The following HMBOX1 variants were observed in gnomAD, a reference collection of about 807,000 sequenced individuals.
HMBOX1 encodes homeobox-containing protein 1.
HMBOX1 carries 14 observed loss-of-function variants against 54.5 expected under a neutral mutation model. The observed-to-expected ratio is 0.26, with a 90% confidence interval of 0.17 to 0.40. The LOEUF (loss-of-function observed/expected upper bound fraction) is 0.40. Among genes scored for constraint, HMBOX1 ranks in the 10% least tolerant of loss-of-function variants. HMBOX1 has a pLI of 1.00. For synonymous variants in HMBOX1, 160 were observed against 181.0 expected (o/e 0.88, Z 0.93); for missense variants, 332 against 514.4 (o/e 0.65, Z 3.43).
At chr8:28,975,885 C>G (rs899170762) in intron 3 of HMBOX1, among the ~76,000 whole-genome samples, 2 of 151,952 alleles carry the variant, frequency 1.3e-5, no homozygotes, top group African/African-American at 2.4e-5. Flanking sequence ...TTCACACTAC[C>G]AAAGTGGTGA....
intron 4 of HMBOX1, among the ~76,000 whole-genome samples, chr8:29,005,668 G>A (rs1054715536): frequency 3.3e-5 from 5 of 152,084 alleles, no homozygotes; most frequent in Non-Finnish European, 7.4e-5. Flanking sequence ...CCTCCAGATC[G>A]AGATAAAGAG....
At chr8:28,937,150 A>G (rs867431015) in intron 1 of HMBOX1, among the ~76,000 whole-genome samples, 3 of 152,226 alleles carry the variant, frequency 2.0e-5, no homozygotes, top group South Asian at 2.1e-4. Flanking sequence ...AAAGAGACTT[A>G]TAAACTGGTT....
intron 6 of HMBOX1, among the ~76,000 whole-genome samples, chr8:29,029,363 A>G (rs1376225581): frequency 6.6e-6 from 1 of 152,204 alleles, no homozygotes; most frequent in Non-Finnish European, 1.5e-5. Context: ...ATCCTTTCTA[A>G]TATTGCTCTT....
chr8:28,972,140 TATAA>T (rs1402200854), intron 3 of HMBOX1, among the ~76,000 whole-genome samples: 1 of 152,232 alleles, frequency 6.6e-6, no homozygotes, highest in Non-Finnish European at 1.5e-5. Context: ...CCAGATACAG[TATAA>T]ATAAAGTATA....
chr8:28,946,548 G>A (rs1164517156), intron 1 of HMBOX1, among the ~76,000 whole-genome samples: 1 of 151,434 alleles, frequency 6.6e-6, no homozygotes, highest in Non-Finnish European at 1.5e-5. Context: ...CCAGCCTGGG[G>A]GACAGAGTGA....
intron 1 of HMBOX1, among the ~76,000 whole-genome samples, chr8:28,900,341 AG>A (rs1263272528): frequency 1.3e-5 from 2 of 149,328 alleles, no homozygotes; most frequent in Non-Finnish European, 3.0e-5. Flanking sequence ...AGATGGGCCC[AG>A]GAATATATAT....
intron 1 of HMBOX1, among the ~76,000 whole-genome samples, chr8:28,911,745 C>A (rs1815489160): frequency 6.6e-6 from 1 of 152,082 alleles, no homozygotes; most frequent in Non-Finnish European, 1.5e-5. Context: ...GGTTGTGACA[C>A]CAGCACTACA....
intron 6 of HMBOX1, chr8:29,042,839 CAG>C (rs1805044251): frequency 5.6e-6 from 2 of 357,038 alleles, no homozygotes; most frequent in Non-Finnish European, 1.1e-5. Context: ...GAAAGATAAA[CAG>C]AGATTGTTTT....
chr8:28,966,263 T>A (rs1024623948), intron 2 of HMBOX1, among the ~76,000 whole-genome samples: 2 of 152,200 alleles, frequency 1.3e-5, no homozygotes, highest in African/African-American at 2.4e-5. Flanking sequence ...TATGGTCTTA[T>A]GGTATGATAT....
chr8:29,000,377 A>G (rs1425713535), intron 4 of HMBOX1, among the ~76,000 whole-genome samples: 1 of 152,192 alleles, frequency 6.6e-6, no homozygotes, highest in Non-Finnish European at 1.5e-5. Context: ...AGCCCTATAC[A>G]TGTGCACAGC....
intron 1 of HMBOX1, among the ~76,000 whole-genome samples, chr8:28,897,426 C>T (rs879856396): frequency 5.9e-5 from 9 of 152,134 alleles, no homozygotes; most frequent in Non-Finnish European, 8.8e-5. Context: ...CCGGTAATCC[C>T]GGCACTTTGG....
intron 3 of HMBOX1, among the ~76,000 whole-genome samples, chr8:28,972,454 C>T (rs1001232240): frequency 5.3e-5 from 8 of 152,002 alleles, no homozygotes; most frequent in African/African-American, 1.5e-4. Flanking sequence ...AGTAGGTGAC[C>T]AAAGTTCAGG....
chr8:28,933,029 C>G (rs1819728510), intron 1 of HMBOX1, among the ~76,000 whole-genome samples: 1 of 152,106 alleles, frequency 6.6e-6, no homozygotes, highest in African/African-American at 2.4e-5. Flanking sequence ...TCATTTTTGT[C>G]ACATTCTGTT....
intron 4 of HMBOX1, among the ~76,000 whole-genome samples, chr8:28,985,226 G>A (rs1829987175): frequency 6.6e-6 from 1 of 152,194 alleles, no homozygotes; most frequent in South Asian, 2.1e-4. Context: ...GCCAGATTCA[G>A]TGTCTGGTGA....
Position 28,903,443 on chromosome 8 carries a change from C to T in HMBOX1, c.-58+12765C>T, listed in dbSNP as rs199697555. ...GAAGGCAAGAGGTAATAAGCTTTCT[C>T]CTCGTGCCACTATTCCAACCATCTG... On this transcript the variant is annotated intron_variant, in intron 1 of 9. Transcript: ENST00000287701. Among the ~76,000 whole-genome samples, 9 of 152,330 alleles carry T rather than the reference C, an allele frequency of 5.9e-5. No individual in the cohort carries two copies. The East Asian group carries it at 1.7e-3, about 29-fold the overall frequency.
At chr8:28,977,998 T>C (rs1168665658) in intron 3 of HMBOX1, among the ~76,000 whole-genome samples, 1 of 152,154 alleles carries the variant, frequency 6.6e-6, no homozygotes, top group Middle Eastern at 3.2e-3. Context: ...GACAGTCATT[T>C]TGGGAAGAAT....
chr8:29,036,208 T>G (rs1465792241), intron 6 of HMBOX1, among the ~76,000 whole-genome samples: 1 of 152,192 alleles, frequency 6.6e-6, no homozygotes, highest in African/African-American at 2.4e-5. Context: ...GTCTTTGCAG[T>G]GAAGGGCCTG....
intron 1 of HMBOX1, among the ~76,000 whole-genome samples, chr8:28,949,448 A>G (rs994145865): frequency 2.6e-5 from 4 of 152,214 alleles, no homozygotes; most frequent in African/African-American, 7.2e-5. Context: ...AACAAAGCCT[A>G]TTTATCTTTG....
chr8:28,911,728 T>G (rs1815484065), intron 1 of HMBOX1, among the ~76,000 whole-genome samples: 1 of 152,070 alleles, frequency 6.6e-6, no homozygotes, highest in Non-Finnish European at 1.5e-5. Flanking sequence ...TTAAGAGGGT[T>G]CGTTCTGGTT....
Sources: allele counts gnomAD v4.1 joint callset (sites outside exome capture counted in the v4.1 genomes callset), GRCh38; gene constraint gnomAD v4.1.1; transcripts MANE v1.5; gene names NCBI Gene and HGNC (gene_info 2026-07-23, HGNC 2026-07-21).